Variants in CCNY observed in about 807,000 individuals in gnomAD.
CCNY encodes cyclin Y, also known as cyclin-Y.
A neutral mutation model predicts 42.8 loss-of-function variants in CCNY; 19 were observed. The observed-to-expected ratio is 0.44, with a 90% confidence interval of 0.31 to 0.65. The LOEUF is 0.65. CCNY is among the 30% of genes least tolerant of loss of function. CCNY has a pLI of 0.07. For synonymous variants in CCNY, 165 were observed against 162.7 expected (o/e 1.01, Z -0.11); for missense variants, 370 against 437.3 (o/e 0.85, Z 1.37).
chr10:35,374,835 T>C (rs1837015455), intron 1 of CCNY, among the ~76,000 whole-genome samples: 1 of 152,146 alleles, frequency 6.6e-6, no homozygotes, highest in East Asian at 1.9e-4. Context: ...GGAAGAAATT[T>C]TGGATTGTTA....
intron 3 of CCNY, chr10:35,250,639 T>G (rs2095711390): frequency 1.3e-5 from 2 of 152,412 alleles, no homozygotes; most frequent in Admixed American, 6.5e-5. Flanking sequence ...AAGCCCAGAC[T>G]GCTGTCAAGG....
chr10:35,387,955 A>G (rs1453061976), intron 1 of CCNY, among the ~76,000 whole-genome samples: 2 of 152,084 alleles, frequency 1.3e-5, no homozygotes, highest in East Asian at 3.9e-4. Flanking sequence ...ACGTTCACTT[A>G]CTTGAGATGA....
chr10:35,552,972 T>G (rs1216033748), intron 7 of CCNY, 47 bp from the exon 8 acceptor site: 2 of 1,577,620 alleles, frequency 1.3e-6, no homozygotes, highest in Admixed American at 1.7e-5. Context: ...TGCTGGTGTT[T>G]AGGAGAAAAC....
intron 3 of CCNY, among the ~76,000 whole-genome samples, chr10:35,508,386 G>GA (rs1194088898): frequency 6.6e-6 from 1 of 152,210 alleles, no homozygotes; most frequent in Non-Finnish European, 1.5e-5. Context: ...GTGTTCTTGT[G>GA]ACATGCTCCA....
At position 35,322,927 on chromosome 10, in the gene CCNY, C is replaced by A. The variant is rs1457738486; in HGVS notation, c.-9+72301C>A. On this transcript the variant is annotated intron_variant, in intron 3 of 11. Transcript: ENST00000374706. ...ACCAGGACTTTGGAAAACAGTTTGG[C>A]CATTTTTTATTTTTTTTGAGATGGA... 2.6e-5 allele frequency among the ~76,000 whole-genome samples: 4 copies of A among 151,884 alleles called. No homozygotes were observed. In the East Asian group the frequency reaches 7.7e-4, roughly 29 times the overall value.
At chr10:35,310,299 C>T (rs976693075) in intron 3 of CCNY, among the ~76,000 whole-genome samples, 1 of 152,042 alleles carries the variant, frequency 6.6e-6, no homozygotes, top group South Asian at 2.1e-4. Context: ...GTATATGTAC[C>T]ATATTTTCTT....
chr10:35,438,948 C>T (rs1366198978), intron 1 of CCNY, among the ~76,000 whole-genome samples: 1 of 152,140 alleles, frequency 6.6e-6, no homozygotes, highest in Admixed American at 6.5e-5. Context: ...GGGTTGTCAC[C>T]TCTTTTCTTT....
chr10:35,384,281 T>C (rs111656109), intron 1 of CCNY, among the ~76,000 whole-genome samples: 1,577 of 152,204 alleles, frequency 0.01, 23 homozygotes, highest in African/African-American at 0.036. Flanking sequence ...TTGAGGGCAT[T>C]AGTATTCAAA....
At chr10:35,501,145 A>C (rs75609581) in intron 2 of CCNY, among the ~76,000 whole-genome samples, 4,230 of 152,308 alleles carry the variant, frequency 0.028, 84 homozygotes, top group Middle Eastern at 0.044. Flanking sequence ...GTTGGGAATA[A>C]ATAGTCCTAT....
intron 2 of CCNY, among the ~76,000 whole-genome samples, chr10:35,496,040 A>G (rs957239943): frequency 4.6e-5 from 7 of 152,256 alleles, no homozygotes; most frequent in African/African-American, 1.7e-4. Context: ...AGGAAAAAGG[A>G]AAGGGAAATG....
intron 1 of CCNY, among the ~76,000 whole-genome samples, chr10:35,437,419 T>C (rs1161804934): frequency 6.6e-6 from 1 of 151,788 alleles, no homozygotes; most frequent in Non-Finnish European, 1.5e-5. Flanking sequence ...CTTTGGGAGG[T>C]GGAGAGGGGA....
At position 35,396,495 on chromosome 10, in the gene CCNY, T is replaced by C. The variant is rs114136593; in HGVS notation, c.154+59288T>C. On this transcript the variant is annotated intron_variant, in intron 1 of 9. Transcript: ENST00000374704. ...GGCCCTCCGTAATTGAATGTTATGCTGCCTCTCTGGTACTGTTAATGGGCC... is the reference window on the plus strand; with the variant it reads ...GGCCCTCCGTAATTGAATGTTATGCCGCCTCTCTGGTACTGTTAATGGGCC... Among the ~76,000 whole-genome samples, 1,073 of 152,358 alleles carry C rather than the reference T, an allele frequency of 7.0e-3. 11 individuals are homozygous for C. Among genetic ancestry groups the C allele is most frequent in the African/African-American group, 0.025 (1,024 of 41,586 alleles).
intron 1 of CCNY, among the ~76,000 whole-genome samples, chr10:35,448,529 A>G (rs1417205022): frequency 2.0e-5 from 3 of 152,152 alleles, no homozygotes; most frequent in African/African-American, 4.8e-5. Context: ...CCATGTAACT[A>G]CTATGTGTTA....
intron 8 of CCNY, among the ~76,000 whole-genome samples, chr10:35,564,271 C>T (rs1305895877): frequency 3.9e-5 from 6 of 152,146 alleles, no homozygotes; most frequent in Non-Finnish European, 5.9e-5. Flanking sequence ...CAAGCAGTGA[C>T]GCTCTTCATC....
At chr10:35,397,011 G>T (rs370741788) in intron 1 of CCNY, among the ~76,000 whole-genome samples, 2 of 152,192 alleles carry the variant, frequency 1.3e-5, no homozygotes, top group East Asian at 3.9e-4. Context: ...GGCTCAGAGG[G>T]AGCAGGTTCT....
chr10:35,538,309 CT>C (rs1375314100), intron 7 of CCNY, among the ~76,000 whole-genome samples: 2 of 152,072 alleles, frequency 1.3e-5, no homozygotes, highest in African/African-American at 2.4e-5. Flanking sequence ...GGGCATATGT[CT>C]TCATTTCTTT....
chr10:35,307,216 C>T (rs1021104097), intron 3 of CCNY, among the ~76,000 whole-genome samples: 5 of 152,180 alleles, frequency 3.3e-5, no homozygotes, highest in African/African-American at 1.2e-4. Flanking sequence ...ATTGAAAATG[C>T]TAGCTCATAG....
chr10:35,537,489 C>T (rs1840910051), intron 7 of CCNY, among the ~76,000 whole-genome samples: 1 of 152,190 alleles, frequency 6.6e-6, no homozygotes, highest in South Asian at 2.1e-4. Context: ...TCAATGCCAG[C>T]CTGTGAAAGC....
At chr10:35,264,151 C>T (rs141655648) in intron 3 of CCNY, among the ~76,000 whole-genome samples, 108 of 152,206 alleles carry the variant, frequency 7.1e-4, no homozygotes, top group African/African-American at 2.2e-3. Flanking sequence ...ATGTGTGGCA[C>T]GTATCTTTAT....
Sources: allele counts gnomAD v4.1 joint callset (sites outside exome capture counted in the v4.1 genomes callset), GRCh38; gene constraint gnomAD v4.1.1; transcripts MANE v1.5; gene names NCBI Gene and HGNC (gene_info 2026-07-23, HGNC 2026-07-21).